Variants in GLG1 observed in about 807,000 individuals in gnomAD.
GLG1 encodes the protein golgi glycoprotein 1.
GLG1 carries 38 observed loss-of-function variants against 160.5 expected under a neutral mutation model. The ratio of observed to expected loss-of-function variants is 0.24; its 90% CI spans 0.18 to 0.31. The LOEUF is 0.31. GLG1 is among the 10% of genes least tolerant of loss of function. The pLI, the probability that GLG1 is intolerant of heterozygous loss-of-function variation, is 1.00. For missense variants in GLG1, 1,373 were observed against 1,505.2 expected, an observed-to-expected ratio of 0.91 and a Z score of 1.45; for synonymous variants, 644 against 543.4, an observed-to-expected ratio of 1.19 and a Z score of -2.57.
rs534003102 is a variant in GLG1 at position 74,594,054 on chromosome 16, G to A, written c.438+12603C>T. Among the ~76,000 whole-genome samples the A allele has an allele frequency of 3.0e-3, 461 of 152,078 alleles. 5 individuals are homozygous for A. The highest frequency in any genetic ancestry group is 0.011 in the African/African-American group (453 of 41,478). ...CCTGAGTAGCTGGGGTTACAGGCAT[G>A]CGCCACCATGTCTGGCTAATTTTTT... On this transcript the variant is annotated intron_variant, in intron 1 of 25. Coordinates refer to ENST00000422840, the MANE Select transcript of GLG1 (RefSeq NM_001145667.2).
chr16:74,586,691 T>C (rs1030663604), intron 1 of GLG1, among the ~76,000 whole-genome samples: 7 of 150,612 alleles, frequency 4.6e-5, no homozygotes, highest in African/African-American at 1.2e-4. Flanking sequence ...ACACACACAT[T>C]TGTAATTCTA....
At chr16:74,591,920 A>C (rs1326507926) in intron 1 of GLG1, among the ~76,000 whole-genome samples, 1 of 152,166 alleles carries the variant, frequency 6.6e-6, no homozygotes, top group African/African-American at 2.4e-5. Context: ...TTCCTTTGAT[A>C]GGCAGTATTC....
intron 6 of GLG1, among the ~76,000 whole-genome samples, chr16:74,494,386 CAG>C (rs2016107645): frequency 7.0e-6 from 1 of 142,320 alleles, no homozygotes; most frequent in South Asian, 2.3e-4. Flanking sequence ...AATATTGTTT[CAG>C]AGAAATTGAG....
intron 20 of GLG1, 153 bp downstream of exon 20, chr16:74,463,203 C>T (rs1162495253): frequency 4.5e-6 from 3 of 670,966 alleles, no homozygotes; most frequent in Admixed American, 3.1e-5. Context: ...TTTCTGGATG[C>T]TCCTCAAAGG....
At chr16:74,465,545 G>A (rs914209539) in intron 19 of GLG1, 131 bp downstream of exon 19, 2 of 867,344 alleles carry the variant, frequency 2.3e-6, no homozygotes, top group East Asian at 4.9e-5. Context: ...AGGCTCCCAG[G>A]GGGTGCTGCT....
In GLG1 at chr16:74,515,642, T is replaced by C. The variant is rs2016954886; in HGVS notation, c.472-6717A>G. On this transcript the variant is annotated intron_variant, in intron 2 of 25. Coordinates refer to ENST00000422840, the MANE Select transcript of GLG1 (RefSeq NM_001145667.2). Reference sequence around the variant, plus strand: ...GGGTGCAGCACACCAACATGGCACATGTATACATATGTAACTAACCTACAC... The same window carrying C: ...GGGTGCAGCACACCAACATGGCACACGTATACATATGTAACTAACCTACAC... Among the ~76,000 whole-genome samples the C allele has an allele frequency of 1.3e-5, 2 of 151,738 alleles. 1 individual carries two copies. Among genetic ancestry groups the C allele is most frequent in the African/African-American group, 4.9e-5 (2 of 41,016 alleles).
intron 11 of GLG1, among the ~76,000 whole-genome samples, chr16:74,479,821 G>A (rs1417393315): frequency 6.6e-6 from 1 of 152,148 alleles, no homozygotes; most frequent in Non-Finnish European, 1.5e-5. Flanking sequence ...AGGTATGGAG[G>A]TTTCTGCTCC....
At chr16:74,493,237 T>G (rs1041440803) in intron 6 of GLG1, 97 bp from the exon 7 acceptor site, 14 of 695,472 alleles carry the variant, frequency 2.0e-5, no homozygotes, top group Non-Finnish European at 3.0e-5. Flanking sequence ...GCCAAGTACA[T>G]GTCAACAACT....
At chr16:74,505,563 T>C (rs1180187330) in intron 3 of GLG1, among the ~76,000 whole-genome samples, 1 of 151,904 alleles carries the variant, frequency 6.6e-6, no homozygotes, top group Non-Finnish European at 1.5e-5. Flanking sequence ...CTACTAAAAA[T>C]ACAAAAATTG....
In GLG1 at chr16:74,509,917, C is replaced by T. The variant is rs537615097; in HGVS notation, c.472-992G>A. Among the ~76,000 whole-genome samples the T allele has an allele frequency of 9.9e-4, 151 of 152,154 alleles. 1 individual carries two copies. The highest frequency in any genetic ancestry group is 1.6e-3 in the Non-Finnish European group (106 of 67,988). On this transcript the variant is annotated intron_variant, in intron 2 of 25. Coordinates refer to ENST00000422840, the MANE Select transcript of GLG1 (RefSeq NM_001145667.2). ...TGCCAGGCTGGTCTTGAACTCCTGG[C>T]CTCAAGCAATTCCCCTGCCTTGGCC...
At chr16:74,506,197 T>C (rs2016596303) in intron 3 of GLG1, among the ~76,000 whole-genome samples, 1 of 145,708 alleles carries the variant, frequency 6.9e-6, no homozygotes, top group Admixed American at 7.1e-5. Context: ...AAACACTGGA[T>C]ACAAAACAAG....
chr16:74,598,269 C>G (rs1050582469), intron 1 of GLG1, among the ~76,000 whole-genome samples: 49 of 152,086 alleles, frequency 3.2e-4, no homozygotes, highest in African/African-American at 1.1e-3. Context: ...CGCCTGTAAT[C>G]CCAGCACTTT....
Position 74,559,808 on chromosome 16 carries a change from T to C in GLG1, c.439-27655A>G, listed in dbSNP as rs114112759. On this transcript the variant is annotated intron_variant, in intron 1 of 25. Coordinates refer to ENST00000422840, the MANE Select transcript of GLG1 (RefSeq NM_001145667.2). ...TTTCTTAATGTATTCACTTTGAATG[T>C]CCACTGTCACCTAAAATGTAACATG... 1.4e-3 allele frequency among the ~76,000 whole-genome samples: 207 copies of C among 152,300 alleles called. 1 individual carries two copies. Among genetic ancestry groups the C allele is most frequent in the African/African-American group, 4.7e-3 (195 of 41,568 alleles).
chr16:74,584,330 G>A (rs535590090), intron 1 of GLG1, among the ~76,000 whole-genome samples: 2 of 152,160 alleles, frequency 1.3e-5, no homozygotes, highest in South Asian at 4.1e-4. Flanking sequence ...TCTCCTTGCA[G>A]ACAATAATAT....
chr16:74,570,939 C>T (rs1180680313), intron 1 of GLG1, among the ~76,000 whole-genome samples: 1 of 151,880 alleles, frequency 6.6e-6, no homozygotes, highest in African/African-American at 2.4e-5. Context: ...TTCCTTCACT[C>T]TTTGTGTTTT....
intron 2 of GLG1, among the ~76,000 whole-genome samples, chr16:74,528,410 G>C (rs1760645205): frequency 6.6e-6 from 1 of 152,012 alleles, no homozygotes; most frequent in African/African-American, 2.4e-5. Flanking sequence ...TCTACTGCTT[G>C]CTTTGTTGAG....
chr16:74,501,038 G>C (rs556271869), intron 4 of GLG1, among the ~76,000 whole-genome samples: 6 of 152,312 alleles, frequency 3.9e-5, no homozygotes, highest in African/African-American at 1.4e-4. Flanking sequence ...AGTCATAGAA[G>C]AGTTTCAAGC....
intron 22 of GLG1, chr16:74,461,721 T>G: frequency 6.2e-6 from 1 of 160,702 alleles, no homozygotes; most frequent in Non-Finnish European, 1.4e-5. Context: ...TCCACCCTCC[T>G]TGGCCTCCCA....
intron 24 of GLG1, 57 bp downstream of exon 24, chr16:74,457,817 G>C: frequency 1.3e-6 from 2 of 1,547,166 alleles, no homozygotes; most frequent in East Asian, 2.3e-5. Flanking sequence ...CTAAGAGGGA[G>C]TCTTTGCTCT....
Sources: allele counts gnomAD v4.1 joint callset (sites outside exome capture counted in the v4.1 genomes callset), GRCh38; gene constraint gnomAD v4.1.1; transcripts MANE v1.5; gene names NCBI Gene and HGNC (gene_info 2026-07-23, HGNC 2026-07-21).